EYA4: variants seen among roughly 807,000 people sequenced by gnomAD.
The protein encoded by EYA4 is EYA transcriptional coactivator and phosphatase 4.
Under a neutral mutation model 87.9 loss-of-function variants are expected in EYA4, and 31 were observed. The ratio of observed to expected loss-of-function variants is 0.35; its 90% CI spans 0.27 to 0.48. The LOEUF is 0.48. Ranked by LOEUF, EYA4 falls within the 20% of genes least tolerant of loss-of-function variation. The probability of loss-of-function intolerance (pLI) is 0.99; values close to 1 mark genes in which losing one functional copy is unlikely to be tolerated. For missense variants in EYA4, 678 were observed against 761.4 expected, an observed-to-expected ratio of 0.89 and a Z score of 1.29; for synonymous variants, 263 against 270.6, an observed-to-expected ratio of 0.97 and a Z score of 0.28.
intron 2 of EYA4, among the ~76,000 whole-genome samples, chr6:133,355,206 C>T (rs914468251): frequency 2.6e-5 from 4 of 151,978 alleles, no homozygotes; most frequent in Non-Finnish European, 5.9e-5. Context: ...AAGCCTAGTA[C>T]CCATTAGTTA....
chr6:133,459,144 T>C (rs1794158711), intron 6 of EYA4, among the ~76,000 whole-genome samples: 1 of 152,172 alleles, frequency 6.6e-6, no homozygotes, highest in Non-Finnish European at 1.5e-5. Context: ...ACAAAATGTA[T>C]ATATTTTAGT....
At position 133,528,712 on chromosome 6, in the gene EYA4, C is replaced by T. The variant is rs1445360574; in HGVS notation, c.1840-13C>T. On this transcript the variant is annotated splice_polypyrimidine_tract_variant and intron_variant, in intron 19 of 19. Coordinates refer to ENST00000355286, the MANE Select transcript of EYA4 (RefSeq NM_004100.5). ...CCTTCTCTCTCCCATCCCTCCTTCTCCTAACCACACAGCACAACATGCCCT... is the reference window on the plus strand; with the variant it reads ...CCTTCTCTCTCCCATCCCTCCTTCTTCTAACCACACAGCACAACATGCCCT... 2 of 1,597,380 alleles carry T rather than the reference C, an allele frequency of 1.3e-6. No homozygotes were observed. Among genetic ancestry groups the T allele is most frequent in the African/African-American group, 2.7e-5 (2 of 74,692 alleles).
intron 3 of EYA4, among the ~76,000 whole-genome samples, chr6:133,382,901 G>A (rs1031750389): frequency 2.0e-5 from 3 of 151,910 alleles, no homozygotes; most frequent in Admixed American, 1.3e-4. Flanking sequence ...TGGCATTCTC[G>A]TTTGGGTTGT....
intron 16 of EYA4, 30 bp from the exon 17 acceptor site, chr6:133,515,291 C>A (rs147791502): frequency 9.4e-7 from 1 of 1,065,824 alleles, no homozygotes; most frequent in Non-Finnish European, 1.5e-6. Flanking sequence ...ATTCATCTCT[C>A]GACTCTGCCT....
At chr6:133,386,247 A>G (rs1786736608) in intron 3 of EYA4, among the ~76,000 whole-genome samples, 1 of 152,124 alleles carries the variant, frequency 6.6e-6, no homozygotes. Flanking sequence ...TTCATGGTGA[A>G]TTTATTTGTG....
chr6:133,408,196 G>A (rs1004332513), intron 3 of EYA4, among the ~76,000 whole-genome samples: 5 of 152,128 alleles, frequency 3.3e-5, no homozygotes, highest in Admixed American at 1.3e-4. Flanking sequence ...TGAACAGACC[G>A]TCCTTCCTCC....
At chr6:133,526,458 G>C (rs2128820439) in intron 19 of EYA4, among the ~76,000 whole-genome samples, 1 of 152,272 alleles carries the variant, frequency 6.6e-6, no homozygotes, top group Middle Eastern at 3.4e-3. Flanking sequence ...AGGAAATGAT[G>C]TATGTTTCTA....
chr6:133,459,463 C>G (rs971897818), intron 6 of EYA4, among the ~76,000 whole-genome samples: 4 of 152,038 alleles, frequency 2.6e-5, no homozygotes, highest in African/African-American at 9.7e-5. Flanking sequence ...TTGGAAAAGC[C>G]TTCTATTTCA....
At chr6:133,367,353 G>A (rs867600198) in intron 2 of EYA4, among the ~76,000 whole-genome samples, 90 of 152,304 alleles carry the variant, frequency 5.9e-4, no homozygotes, top group African/African-American at 2.1e-3. Flanking sequence ...CAAAGTAAAT[G>A]TAAAGGATGC....
At chr6:133,423,706 ATATG>A (rs1367423305) in intron 3 of EYA4, among the ~76,000 whole-genome samples, 5 of 152,220 alleles carry the variant, frequency 3.3e-5, no homozygotes, top group African/African-American at 1.2e-4. Context: ...TCAGTTTGAC[ATATG>A]TATGTGCCAA....
intron 3 of EYA4, among the ~76,000 whole-genome samples, chr6:133,438,847 C>A (rs1267888919): frequency 6.6e-6 from 1 of 151,862 alleles, no homozygotes; most frequent in Non-Finnish European, 1.5e-5. Flanking sequence ...TCGAGATCAT[C>A]CTGGCTAACA....
chr6:133,339,095 C>T (rs1162055978), intron 2 of EYA4, among the ~76,000 whole-genome samples: 1 of 152,110 alleles, frequency 6.6e-6, no homozygotes, highest in African/African-American at 2.4e-5. Flanking sequence ...TGGCCACAAA[C>T]TTGTCATATG....
chr6:133,377,599 G>A (rs535331300), intron 2 of EYA4, among the ~76,000 whole-genome samples: 29 of 149,254 alleles, frequency 1.9e-4, no homozygotes, highest in African/African-American at 6.9e-4. Flanking sequence ...TGTTTTTGGG[G>A]TGGTGGCGGA....
At chr6:133,298,330 C>T (rs931170368) in intron 2 of EYA4, among the ~76,000 whole-genome samples, 3 of 152,082 alleles carry the variant, frequency 2.0e-5, no homozygotes, top group African/African-American at 7.2e-5. Context: ...CTGACGAATC[C>T]GGCTTCTTTT....
intron 6 of EYA4, among the ~76,000 whole-genome samples, chr6:133,460,023 G>GATT (rs1794239845): frequency 6.6e-6 from 1 of 151,984 alleles, no homozygotes; most frequent in South Asian, 2.1e-4. Flanking sequence ...GGGTTCTTGT[G>GATT]ATATATATAG....
intron 3 of EYA4, among the ~76,000 whole-genome samples, chr6:133,419,317 T>G (rs1050512064): frequency 6.6e-6 from 1 of 152,202 alleles, no homozygotes; most frequent in Non-Finnish European, 1.5e-5. Flanking sequence ...TGGAATAATT[T>G]CCCTTTGCAA....
At chr6:133,443,583 C>A (rs1171416148) in intron 3 of EYA4, among the ~76,000 whole-genome samples, 1 of 151,964 alleles carries the variant, frequency 6.6e-6, no homozygotes, top group Non-Finnish European at 1.5e-5. Flanking sequence ...TCCTTTTCTT[C>A]CTCTAGTTTC....
At chr6:133,272,307 G>A (rs1336865371) in intron 1 of EYA4, among the ~76,000 whole-genome samples, 1 of 152,222 alleles carries the variant, frequency 6.6e-6, no homozygotes, top group Non-Finnish European at 1.5e-5. Flanking sequence ...CAGCCTTGGG[G>A]AGAGAAGGTA....
chr6:133,306,275 T>A (rs1779801554), intron 2 of EYA4, among the ~76,000 whole-genome samples: 1 of 152,184 alleles, frequency 6.6e-6, no homozygotes, highest in African/African-American at 2.4e-5. Context: ...AGAGTCCGTG[T>A]TCTTGCTGAG....
Sources: gnomAD v4.1 joint callset for allele counts (sites outside exome capture counted in the v4.1 genomes callset) on GRCh38, gnomAD v4.1.1 for gene constraint, MANE v1.5 for transcripts, NCBI Gene and HGNC (gene_info 2026-07-23, HGNC 2026-07-21) for gene names.